KPTN: variants seen among roughly 807,000 people sequenced by gnomAD.
KPTN encodes the protein KICSTOR complex protein kaptin.
A neutral mutation model predicts 52.6 loss-of-function variants in KPTN; 36 were observed. The ratio of observed to expected loss-of-function variants is 0.68; its 90% CI spans 0.52 to 0.90. The LOEUF (loss-of-function observed/expected upper bound fraction) is 0.90. Ranked by LOEUF, KPTN falls within the 40% of genes least tolerant of loss-of-function variation. The pLI, the probability that KPTN is intolerant of heterozygous loss-of-function variation, is 0.00. For synonymous variants in KPTN, 271 were observed against 248.4 expected, an observed-to-expected ratio of 1.09 and a Z score of -0.85; for missense variants, 529 against 576.2, an observed-to-expected ratio of 0.92 and a Z score of 0.84.
In KPTN at chr19:47,477,768, C is replaced by T; in HGVS notation, c.801G>A (p.Arg267=). The change falls in exon 9 of 12, where the codon AGG becomes AGA. Residue 267 remains arginine (R), a synonymous_variant. Coordinates refer to ENST00000338134, the MANE Select transcript of KPTN (RefSeq NM_007059.4). ...GCACGCTGTACTCATCTTGTAGTGGCCTGTCCTTGGTCTCTGGAGAAGAAA... is the reference window on the plus strand; with the variant it reads ...GCACGCTGTACTCATCTTGTAGTGGTCTGTCCTTGGTCTCTGGAGAAGAAA... ...SLSAAKETKD[R]PLQDEYSVLV... The T allele has an allele frequency of 1.2e-6, 2 of 1,613,308 alleles. No homozygotes were observed. The highest frequency in any genetic ancestry group is 1.7e-6 in the Non-Finnish European group (2 of 1,179,412).
intron 6 of KPTN, 89 bp from the exon 7 acceptor site, chr19:47,480,496 GTAGCCCT>G: frequency 2.1e-6 from 2 of 950,568 alleles, no homozygotes; most frequent in Non-Finnish European, 3.2e-6. Context: ...GCCCCTCCCT[GTAGCCCT>G]GGGACCCTGC....
chr19:47,478,161 G>A (rs988675931), intron 8 of KPTN, among the ~76,000 whole-genome samples: 2 of 152,122 alleles, frequency 1.3e-5, no homozygotes, highest in African/African-American at 4.8e-5. Context: ...TTTAATGAGA[G>A]ACATGCAGGT....
Position 47,475,344 on chromosome 19 carries a change from C to G in KPTN, c.*72G>C, listed in dbSNP as rs993977009. ...GGAGAGCATCCTGTCCTTCAGGACA[C>G]CCCCCACCAGCGGCTGGAGGTGAGC... On this transcript the variant is annotated 3_prime_UTR_variant, in exon 12 of 12. Coordinates refer to ENST00000338134, the MANE Select transcript of KPTN (RefSeq NM_007059.4). 5 of 1,536,432 alleles carry G rather than the reference C, an allele frequency of 3.3e-6. No individual in the cohort carries two copies. The highest frequency in any genetic ancestry group is 1.8e-5 in the Admixed American group (1 of 56,620).
Position 47,476,616 on chromosome 19 carries a change from C to T in KPTN, c.1098G>A (p.Leu366=), listed in dbSNP as rs913213692. 2 of 1,612,736 alleles carry T rather than the reference C, an allele frequency of 1.2e-6. No homozygotes were observed. Among genetic ancestry groups the T allele is most frequent in the Non-Finnish European group, 1.7e-6 (2 of 1,179,786 alleles). The part of the protein sequence containing the change: ...LLWQRSFSSP[L]LAMAHVDLTG... ...TCAGGTCCACGTGAGCCATGGCCAG[C>T]AGGGGACTGGAGAAGCTCCGCTGCC... is the stretch of plus-strand genomic sequence containing the variant. Residue 366 remains leucine (L), a synonymous_variant, in exon 11 of 12, where the codon CTG becomes CTA. Transcript: ENST00000338134.
At chr19:47,478,024 C>T (rs946824547) in intron 8 of KPTN, among the ~76,000 whole-genome samples, 3 of 151,098 alleles carry the variant, frequency 2.0e-5, no homozygotes, top group Admixed American at 2.0e-4. Flanking sequence ...CACACCACTG[C>T]ACTCCAGCCT....
intron 2 of KPTN, 47 bp from the exon 3 acceptor site, chr19:47,483,426 G>C (rs1253795592): frequency 6.2e-7 from 1 of 1,600,170 alleles, no homozygotes; most frequent in East Asian, 2.2e-5. Flanking sequence ...TGGCAGGAGG[G>C]ATCCGGGGCG....
At chr19:47,482,820 C>T (rs1157796301) in intron 4 of KPTN, among the ~76,000 whole-genome samples, 1 of 152,182 alleles carries the variant, frequency 6.6e-6, no homozygotes, top group Non-Finnish European at 1.5e-5. Flanking sequence ...ATTCTCCTGC[C>T]TCAGCCTCCT....
At chr19:47,483,096 G>A in intron 4 of KPTN, 65 bp downstream of exon 4, 1 of 1,441,606 alleles carries the variant, frequency 6.9e-7, no homozygotes, top group Non-Finnish European at 9.8e-7. Flanking sequence ...GTAAAGAAGG[G>A]GTTCGAGAAG....
intron 8 of KPTN, among the ~76,000 whole-genome samples, chr19:47,478,145 G>A (rs141086659): frequency 3.9e-4 from 60 of 152,192 alleles, no homozygotes; most frequent in Admixed American, 1.8e-3. Context: ...TCATACCCCA[G>A]GCCCCTTTAA....
intron 8 of KPTN, 114 bp from the exon 9 acceptor site, chr19:47,477,895 A>G (rs1967729848): frequency 1.5e-6 from 1 of 648,554 alleles, no homozygotes; most frequent in African/African-American, 1.8e-5. Flanking sequence ...CCCCGCCTCT[A>G]CTAAAAACAC....
intron 4 of KPTN, among the ~76,000 whole-genome samples, chr19:47,482,226 C>T (rs904143210): frequency 8.5e-5 from 13 of 152,190 alleles, no homozygotes; most frequent in Non-Finnish European, 1.9e-4. Flanking sequence ...TGGTGGCTCA[C>T]GCCTGTAATC....
chr19:47,476,651 G>A lies in KPTN; in HGVS notation c.1063C>T (p.His355Tyr), dbSNP rs367872975. Reference sequence around the variant, plus strand: ...GAGAAGCTCCGCTGCCACAGCAGATGGAACCCGTGCTGGGCCTCAGGAAGC... The same window carrying A: ...GAGAAGCTCCGCTGCCACAGCAGATAGAACCCGTGCTGGGCCTCAGGAAGC... Reference protein sequence around the residue: ...SGLPEAQHGFHLLWQRSFSSP... With the variant: ...SGLPEAQHGFYLLWQRSFSSP... Residue 355 changes from histidine (H) to tyrosine (Y), a missense_variant, in exon 11 of 12, where the codon CAT becomes TAT. His to Tyr is a moderately conservative substitution (Grantham distance 83). Transcript: ENST00000338134. 7.2e-5 allele frequency: 116 copies of A among 1,612,920 alleles called. 1 individual carries two copies. Among genetic ancestry groups the A allele is most frequent in the Non-Finnish European group, 1.1e-5 (13 of 1,179,804 alleles).
rs866548422 is a variant in KPTN, at chr19:47,477,736, G to C, written c.833C>G (p.Ala278Gly). 2 of 1,613,612 alleles carry C rather than the reference G, an allele frequency of 1.2e-6. No homozygotes were observed. The highest frequency in any genetic ancestry group is 1.3e-5 in the African/African-American group (1 of 74,900). ...PLQDEYSVLV[A>G]SMLEPAVVYR... The stretch of plus-strand genomic sequence containing the variant: ...CACCACTGCTGGCTCCAACATGCTG[G>C]CCACGAGCACGCTGTACTCATCTTG... Residue 278 changes from alanine to glycine, a missense_variant, in exon 9 of 12, where the codon GCC becomes GGC. Ala to Gly is a moderately conservative substitution (Grantham distance 60). Transcript: ENST00000338134.
chr19:47,480,197 C>A, intron 7 of KPTN, 101 bp downstream of exon 7: 4 of 450,354 alleles, frequency 8.9e-6, no homozygotes, highest in Non-Finnish European at 1.6e-5. Context: ...ACCCACTTAT[C>A]CTCCTCCCCT....
chr19:47,477,080 C>A, intron 9 of KPTN, 142 bp from the exon 10 acceptor site: 1 of 855,766 alleles, frequency 1.2e-6, no homozygotes, highest in Non-Finnish European at 1.8e-6. Context: ...ACATCATCAT[C>A]TCAGATTTGG....
Position 47,484,177 on chromosome 19 carries a change from C to A in KPTN, c.-17G>T, listed in dbSNP as rs780829710. ...CCCCATCATGCCCCTCAGTTAAGCA[C>A]CCTCTCCGCAGCCCCCGCCCCAACC... On this transcript the variant is annotated 5_prime_UTR_variant, in exon 1 of 12. Coordinates refer to ENST00000338134, the MANE Select transcript of KPTN (RefSeq NM_007059.4). 7.6e-6 allele frequency: 12 copies of A among 1,587,974 alleles called. No homozygotes were observed. Among genetic ancestry groups the A allele is most frequent in the Non-Finnish European group, 1.0e-5 (12 of 1,172,654 alleles).
rs1459000059 is a variant in KPTN, at chr19:47,484,144, G to A, written c.17C>T (p.Ala6Val). The A allele has an allele frequency of 1.3e-6, 2 of 1,597,802 alleles. No homozygotes were observed. The highest frequency in any genetic ancestry group is 1.3e-5 in the African/African-American group (1 of 74,854). The change falls in exon 1 of 12, where the codon GCC (alanine) becomes GTC (valine). Residue 6 changes from alanine (A) to valine (V), a missense_variant. Ala to Val is a moderately conservative substitution (Grantham distance 64, BLOSUM62 0). Transcript: ENST00000338134. MMGEA[A>V]VAAGPCPLRE... is the part of the protein sequence containing the mutation. ...CAACGGACAAGGCCCCGCGGCCACGGCCGCCTCCCCCATCATGCCCCTCAG... is the reference window on the plus strand; with the variant it reads ...CAACGGACAAGGCCCCGCGGCCACGACCGCCTCCCCCATCATGCCCCTCAG...
intron 2 of KPTN, 26 bp downstream of exon 2, chr19:47,483,476 A>G: frequency 1.3e-6 from 2 of 1,598,120 alleles, no homozygotes; most frequent in Non-Finnish European, 1.7e-6. Flanking sequence ...AGGAGGGCGA[A>G]GGGAGGTGGA....
chr19:47,478,915 G>C, intron 8 of KPTN, among the ~76,000 whole-genome samples: 1 of 152,338 alleles, frequency 6.6e-6, no homozygotes, highest in Middle Eastern at 3.4e-3. Flanking sequence ...GGCGGTGTGG[G>C]ATAGAAGCTA....
Sources: gnomAD v4.1 joint callset for allele counts (sites outside exome capture counted in the v4.1 genomes callset) on GRCh38, gnomAD v4.1.1 for gene constraint, MANE v1.5 for transcripts, NCBI Gene and HGNC (gene_info 2026-07-23, HGNC 2026-07-21) for gene names.